Variants in TSPAN4 observed in about 807,000 individuals in gnomAD.
TSPAN4 encodes tetraspanin 4.
Under a neutral mutation model 31.5 loss-of-function variants are expected in TSPAN4, and 38 were observed. The ratio of observed to expected loss-of-function variants is 1.21; its 90% CI spans 0.93 to 1.58. TSPAN4 has a LOEUF of 1.58. Ranked by LOEUF, TSPAN4 falls within the 40% of genes most tolerant of loss-of-function variation. TSPAN4 has a pLI of 0.00. For synonymous variants in TSPAN4, 186 were observed against 144.6 expected (o/e 1.29, Z -2.06); for missense variants, 330 against 317.3 (o/e 1.04, Z -0.30).
At chr11:845,638 T>C (rs1477913516) in intron 1 of TSPAN4, among the ~76,000 whole-genome samples, 1 of 152,012 alleles carries the variant, frequency 6.6e-6, no homozygotes, top group East Asian at 1.9e-4. Context: ...TCCTGGAGCC[T>C]GGGGGGTGTG....
At chr11:849,154 G>A (rs1248705896) in intron 2 of TSPAN4, among the ~76,000 whole-genome samples, 2 of 151,550 alleles carry the variant, frequency 1.3e-5, no homozygotes, top group African/African-American at 4.9e-5. Context: ...AGGCCGAGCC[G>A]GGCCCACCTG....
chr11:863,144 G>C (rs994591970), intron 4 of TSPAN4: 1 of 165,872 alleles, frequency 6.0e-6, no homozygotes, highest in African/African-American at 2.4e-5. Flanking sequence ...TTCTTGTTGG[G>C]GGCCTGGTCT....
chr11:864,642 G>A (rs1401535067), intron 5 of TSPAN4, 131 bp downstream of exon 5: 2 of 1,193,696 alleles, frequency 1.7e-6, no homozygotes, highest in African/African-American at 1.5e-5. Flanking sequence ...GACAGCGGGT[G>A]TGGATTTACC....
intron 4 of TSPAN4, 25 bp from the exon 5 acceptor site, chr11:864,412 C>T (rs2134065570): frequency 6.2e-7 from 1 of 1,610,650 alleles, no homozygotes. Flanking sequence ...TTTCGGGTCC[C>T]TGTCTGAGCC....
At chr11:856,377 C>T (rs932730063) in intron 3 of TSPAN4, among the ~76,000 whole-genome samples, 3 of 151,540 alleles carry the variant, frequency 2.0e-5, no homozygotes, top group South Asian at 2.1e-4. Context: ...GGGCAGTGGA[C>T]AGTGTGAGCT....
chr11:856,596 C>G (rs888635994), intron 3 of TSPAN4, among the ~76,000 whole-genome samples: 1 of 152,234 alleles, frequency 6.6e-6, no homozygotes, highest in Non-Finnish European at 1.5e-5. Context: ...TCAGCCTATT[C>G]CTATTTGTAT....
chr11:865,232 C>T (rs779397040), intron 5 of TSPAN4: 70 of 462,064 alleles, frequency 1.5e-4, no homozygotes, highest in Non-Finnish European at 1.5e-4. Context: ...CATGGCTGCA[C>T]GTGTCCCGAT....
At chr11:864,668 G>C (rs1848664459) in intron 5 of TSPAN4, 157 bp downstream of exon 5, 2 of 874,232 alleles carry the variant, frequency 2.3e-6, no homozygotes, top group Non-Finnish European at 3.6e-6. Flanking sequence ...TGGAGGGGCA[G>C]CGCCAGCGAC....
At chr11:861,693 C>T (rs1848467005) in intron 3 of TSPAN4, among the ~76,000 whole-genome samples, 1 of 151,750 alleles carries the variant, frequency 6.6e-6, no homozygotes, top group Non-Finnish European at 1.5e-5. Context: ...GCCTGGGTGA[C>T]AGTGCGAGAC....
At position 848,325 on chromosome 11, in the gene TSPAN4, T is replaced by C. The variant is rs1847433058; in HGVS notation, c.-18+1025T>C. ...CAGGGGAAGGACAGGGTAGGGGCCA[T>C]GGGAAGCCCCAGGATGGCCTTGTGG... is the stretch of plus-strand genomic sequence containing the variant. On this transcript the variant is annotated intron_variant, in intron 2 of 8. Transcript: ENST00000397397. This position sits in a 1 kb window ranked among gnomAD's most constrained non-coding sequence, Gnocchi z 5.7. Among the ~76,000 whole-genome samples the C allele has an allele frequency of 6.6e-6, 1 of 152,176 alleles. No homozygotes were observed. The highest frequency in any genetic ancestry group is 2.4e-5 in the African/African-American group (1 of 41,450).
At chr11:850,033 G>A (rs1416007233) in intron 2 of TSPAN4, 1 of 241,776 alleles carries the variant, frequency 4.1e-6, no homozygotes, top group Non-Finnish European at 7.9e-6. Flanking sequence ...GGCGCGATGC[G>A]CCGCTCCAGC....
At chr11:855,858 C>G (rs959926364) in intron 3 of TSPAN4, among the ~76,000 whole-genome samples, 4 of 152,214 alleles carry the variant, frequency 2.6e-5, no homozygotes, top group African/African-American at 9.6e-5. Context: ...GCCCTGGCCC[C>G]TGCAGGGACC....
Position 866,812 on chromosome 11 carries a change from GCCTCCGGACCC to G in TSPAN4, c.*185_*195del. On this transcript the variant is annotated 3_prime_UTR_variant, in exon 9 of 9. Transcript: ENST00000397397. ...AGGCCCTAGCTCAGGTGGCTTCAGG[GCCTCCGGACCC>G]CCCCTGGGAGGGGTGGCCACGTGCT... is the stretch of plus-strand genomic sequence containing the variant. The G allele has an allele frequency of 4.8e-6, 3 of 630,938 alleles. No homozygotes were observed. In the South Asian group the frequency reaches 6.5e-5, roughly 14 times the overall value. 39.1% of individuals were successfully genotyped at this position (630,938 alleles called of 1,614,324 possible).
intron 1 of TSPAN4, among the ~76,000 whole-genome samples, chr11:846,503 A>G (rs1191372318): frequency 6.6e-6 from 1 of 152,036 alleles, no homozygotes; most frequent in Non-Finnish European, 1.5e-5. Context: ...CTGAGGGGCG[A>G]GGTGTTGCGG....
rs561845795 is a variant in TSPAN4, at chr11:852,679, G to A, written c.63+2312G>A. On this transcript the variant is annotated intron_variant, in intron 3 of 8. Coordinates refer to ENST00000397397, the MANE Select transcript of TSPAN4 (RefSeq NM_003271.5). ...GGCTATTTCAGGAGTCAGGCCTAGC[G>A]CTCCCCTTCCCCAGGGCTCCTTTCC... 5.3e-4 allele frequency among the ~76,000 whole-genome samples: 81 copies of A among 152,340 alleles called. 1 individual carries two copies. In the South Asian group the frequency reaches 0.014, roughly 26 times the overall value.
chr11:854,490 C>A (rs1847938005), intron 3 of TSPAN4, among the ~76,000 whole-genome samples: 2 of 82,252 alleles, frequency 2.4e-5, no homozygotes, highest in African/African-American at 6.0e-5. Context: ...TCTCAGTTCC[C>A]CACCACCTGC....
In TSPAN4 at chr11:864,331, G is replaced by C. The variant is rs1848642133; in HGVS notation, c.256-106G>C. Reference sequence around the variant, plus strand: ...AGTGGGGGCCTGGCAGAGGTTTCCTGGCAGCACCAGGTATCCATGAGGTAC... The same window carrying C: ...AGTGGGGGCCTGGCAGAGGTTTCCTCGCAGCACCAGGTATCCATGAGGTAC... On this transcript the variant is annotated intron_variant, in intron 4 of 8. Coordinates refer to ENST00000397397, the MANE Select transcript of TSPAN4 (RefSeq NM_003271.5). The C allele has an allele frequency of 3.5e-6, 5 of 1,417,432 alleles. No homozygotes were observed. In the South Asian group the frequency reaches 5.8e-5, roughly 17 times the overall value. 87.8% of individuals were successfully genotyped at this position (1,417,432 alleles called of 1,614,324 possible). A position where few individuals can be genotyped will look rare whatever the true frequency, so the allele number is the denominator to read the frequency against.
intron 3 of TSPAN4, among the ~76,000 whole-genome samples, chr11:853,057 T>C (rs144133231): frequency 7.5e-6 from 1 of 133,116 alleles, no homozygotes; most frequent in African/African-American, 2.9e-5. Flanking sequence ...GGTGTGGCTG[T>C]GGGTGTGGGG....
chr11:849,819 G>T (rs1847539016), intron 2 of TSPAN4: 1 of 147,080 alleles, frequency 6.8e-6, no homozygotes, highest in African/African-American at 2.5e-5. Context: ...GGGCGCGCGG[G>T]GTCGGGGGCG....
Sources: allele counts gnomAD v4.1 joint callset (sites outside exome capture counted in the v4.1 genomes callset), GRCh38; gene constraint gnomAD v4.1.1; non-coding constraint Gnocchi (gnomAD v3.1); transcripts MANE v1.5; gene names NCBI Gene and HGNC (gene_info 2026-07-23, HGNC 2026-07-21).